The following OR8G5 variants were observed in gnomAD, a reference collection of about 807,000 sequenced individuals.
OR8G5 encodes olfactory receptor family 8 subfamily G member 5, also known as olfactory receptor 8G5.
For missense variants in OR8G5, 347 were observed against 371.9 expected (o/e 0.93, Z 0.55); for synonymous variants, 147 against 147.7 (o/e 1.00, Z 0.03).
rs1565320357 is a variant in OR8G5, at chr11:124,265,086, G to C, written c.155G>C (p.Ser52Thr). The change falls in exon 2 of 2, where the codon AGT (serine) becomes ACT (threonine). Residue 52 changes from serine (S) to threonine (T), a missense_variant. Ser to Thr is a moderately conservative substitution (Grantham distance 58, BLOSUM62 1). Transcript: ENST00000641992. ...GGCATGATCACACTGATTGGGCTCA[G>C]TTCTCACCTGCACACACCTATGTAC... is the stretch of plus-strand genomic sequence containing the variant. Reference protein sequence around the residue: ...NLGMITLIGLSSHLHTPMYCF... With the variant: ...NLGMITLIGLTSHLHTPMYCF... The C allele has an allele frequency of 6.2e-7, 1 of 1,614,154 alleles. No homozygotes were observed. The highest frequency in any genetic ancestry group is 8.5e-7 in the Non-Finnish European group (1 of 1,180,028).
intron 1 of OR8G5, among the ~76,000 whole-genome samples, chr11:124,262,940 A>G (rs575594094): frequency 1.3e-5 from 2 of 152,300 alleles, no homozygotes; most frequent in South Asian, 2.1e-4. Flanking sequence ...ACTCCCTGCC[A>G]GCTTTGTATG....
chr11:124,259,298 T>A lies in OR8G5; in HGVS notation c.-15+2664T>A, dbSNP rs186529908. ...ATATTTACACATGAGTTGAAAAAAA[T>A]TTGAAATTTGACAAAGATTTGAAAA... On this transcript the variant is annotated intron_variant, in intron 1 of 1. Coordinates refer to ENST00000641992, the MANE Select transcript of OR8G5 (RefSeq NM_001005198.2). Among the ~76,000 whole-genome samples the A allele has an allele frequency of 5.5e-3, 837 of 152,250 alleles. 4 individuals carry two copies. The highest frequency in any genetic ancestry group is 7.6e-3 in the African/African-American group (318 of 41,572).
chr11:124,265,525 G>A lies in OR8G5; in HGVS notation c.594G>A (p.Leu198=). The A allele has an allele frequency of 6.2e-7, 1 of 1,613,892 alleles. No homozygotes were observed. The highest frequency in any genetic ancestry group is 1.1e-5 in the South Asian group (1 of 91,074). Residue 198 remains leucine (L), a synonymous_variant, in exon 2 of 2, where the codon CTG becomes CTA. Coordinates refer to ENST00000641992, the MANE Select transcript of OR8G5 (RefSeq NM_001005198.2). ...CTAGTACTTACATTAATGAGTTACT[G>A]ATTTTAATCTTTAGTGGAATTAACA... is the stretch of plus-strand genomic sequence containing the variant. ...SCSSTYINEL[L]ILIFSGINIL...
Position 124,265,744 on chromosome 11 carries a change from G to A in OR8G5, c.813G>A (p.Gly271=), listed in dbSNP as rs376808332. The A allele has an allele frequency of 6.2e-7, 1 of 1,614,156 alleles. No individual in the cohort carries two copies. The highest frequency in any genetic ancestry group is 2.2e-5 in the East Asian group (1 of 44,878). The change falls in exon 2 of 2, where the codon GGG becomes GGA. Residue 271 remains glycine (G), a synonymous_variant. Transcript: ENST00000641992. Reference sequence around the variant, plus strand: ...CATCTGTCAGCTCCATGGACCAGGGGAAAGTGTCCTCTGTGTTTTATACTA... The same window carrying A: ...CATCTGTCAGCTCCATGGACCAGGGAAAAGTGTCCTCTGTGTTTTATACTA... The part of the protein sequence containing the change: ...QPSSVSSMDQ[G]KVSSVFYTIV...
intron 1 of OR8G5, among the ~76,000 whole-genome samples, chr11:124,263,721 A>C (rs2137760702): frequency 8.8e-6 from 1 of 113,238 alleles, no homozygotes; most frequent in Non-Finnish European, 2.1e-5. Flanking sequence ...TTTTTCCAGA[A>C]GTTTTATAGT....
At chr11:124,261,028 T>C (rs1300214349) in intron 1 of OR8G5, among the ~76,000 whole-genome samples, 1 of 151,556 alleles carries the variant, frequency 6.6e-6, no homozygotes, top group Non-Finnish European at 1.5e-5. Context: ...TCTATCTCCA[T>C]GAGATCAGCT....
At chr11:124,263,000 G>C (rs1301449481) in intron 1 of OR8G5, among the ~76,000 whole-genome samples, 1 of 151,932 alleles carries the variant, frequency 6.6e-6, no homozygotes, top group Non-Finnish European at 1.5e-5. Context: ...TTTTTGTTTT[G>C]TTTTGTTTTT....
chr11:124,265,070 A>T lies in OR8G5; in HGVS notation c.139A>T (p.Thr47Ser), dbSNP rs766872300. 34 of 1,614,008 alleles carry T rather than the reference A, an allele frequency of 2.1e-5. No individual in the cohort carries two copies. Among genetic ancestry groups the T allele is most frequent in the Non-Finnish European group, 2.8e-5 (33 of 1,180,036 alleles). Residue 47 changes from threonine (T) to serine (S), a missense_variant, in exon 2 of 2, where the codon ACA (threonine) becomes TCA (serine). Physicochemically the swap from Thr to Ser is moderately conservative, Grantham distance 58. Transcript: ENST00000641992. ...VTVLGNLGMI[T>S]LIGLSSHLHT... ...AGTGCTGGGGAACCTGGGCATGATC[A>T]CACTGATTGGGCTCAGTTCTCACCT... is the stretch of plus-strand genomic sequence containing the variant.
At chr11:124,260,423 TG>T (rs1861958443) in intron 1 of OR8G5, among the ~76,000 whole-genome samples, 1 of 151,920 alleles carries the variant, frequency 6.6e-6, no homozygotes, top group East Asian at 1.9e-4. Context: ...GCTTAATACC[TG>T]GGTGAGTAAA....
intron 1 of OR8G5, among the ~76,000 whole-genome samples, 167 bp downstream of exon 1, chr11:124,256,801 A>T (rs1861917915): frequency 6.6e-6 from 1 of 152,218 alleles, no homozygotes; most frequent in South Asian, 2.1e-4. Flanking sequence ...ATATGGGCTA[A>T]TACTGGGAAT....
chr11:124,265,112 T>A lies in OR8G5; in HGVS notation c.181T>A (p.Cys61Ser). The A allele has an allele frequency of 1.9e-6, 3 of 1,614,176 alleles. No homozygotes were observed. The highest frequency in any genetic ancestry group is 2.5e-6 in the Non-Finnish European group (3 of 1,180,030). ...LSSHLHTPMY[C>S]FLSSLSFIDF... ...TTCTCACCTGCACACACCTATGTAC[T>A]GTTTCCTCAGCAGTCTGTCCTTCAT... Residue 61 changes from cysteine (C) to serine (S), a missense_variant, in exon 2 of 2, where the codon TGT becomes AGT. Cys to Ser is a moderately radical substitution (Grantham distance 112). Transcript: ENST00000641992.
chr11:124,260,812 A>T (rs1030468321), intron 1 of OR8G5, among the ~76,000 whole-genome samples: 11 of 151,952 alleles, frequency 7.2e-5, no homozygotes, highest in Non-Finnish European at 1.6e-4. Flanking sequence ...AACATTTATC[A>T]TTTGTTTGTG....
intron 1 of OR8G5, among the ~76,000 whole-genome samples, chr11:124,260,093 T>C (rs1212918719): frequency 1.3e-5 from 2 of 152,062 alleles, no homozygotes; most frequent in African/African-American, 4.8e-5. Context: ...TGAGATGATA[T>C]TTTCCATAAA....
Position 124,265,107 on chromosome 11 carries a change from T to C in OR8G5, c.176T>C (p.Met59Thr), listed in dbSNP as rs976472986. Residue 59 changes from methionine (M) to threonine (T), a missense_variant, in exon 2 of 2, where the codon ATG becomes ACG. Coordinates refer to ENST00000641992, the MANE Select transcript of OR8G5 (RefSeq NM_001005198.2). ...IGLSSHLHTP[M>T]YCFLSSLSFI... Reference sequence around the variant, plus strand: ...CTCAGTTCTCACCTGCACACACCTATGTACTGTTTCCTCAGCAGTCTGTCC... The same window carrying C: ...CTCAGTTCTCACCTGCACACACCTACGTACTGTTTCCTCAGCAGTCTGTCC... 6.2e-7 allele frequency: 1 copy of C among 1,614,174 alleles called. No homozygotes were observed. The highest frequency in any genetic ancestry group is 8.5e-7 in the Non-Finnish European group (1 of 1,180,022).
chr11:124,260,479 C>T (rs1861959122), intron 1 of OR8G5, among the ~76,000 whole-genome samples: 1 of 151,770 alleles, frequency 6.6e-6, no homozygotes, highest in African/African-American at 2.4e-5. Flanking sequence ...ACCTATATGA[C>T]AAACCTAAAC....
intron 1 of OR8G5, among the ~76,000 whole-genome samples, chr11:124,256,913 G>T (rs543965857): frequency 4.6e-5 from 7 of 152,284 alleles, no homozygotes; most frequent in African/African-American, 1.7e-4. Flanking sequence ...CAGTAGAAAG[G>T]TCCAATCAAT....
At chr11:124,260,628 T>C (rs1391200184) in intron 1 of OR8G5, among the ~76,000 whole-genome samples, 1 of 151,840 alleles carries the variant, frequency 6.6e-6, no homozygotes, top group Non-Finnish European at 1.5e-5. Context: ...CTTAATATCT[T>C]TATAATAGTG....
intron 1 of OR8G5, among the ~76,000 whole-genome samples, chr11:124,264,588 C>T (rs1367327520): frequency 6.6e-6 from 1 of 152,178 alleles, no homozygotes; most frequent in Non-Finnish European, 1.5e-5. Flanking sequence ...AGTTGTCACT[C>T]AGCCATTTTT....
chr11:124,265,748 G>A lies in OR8G5; in HGVS notation c.817G>A (p.Val273Met). 1 of 1,614,180 alleles carries A rather than the reference G, an allele frequency of 6.2e-7. No individual in the cohort carries two copies. Among genetic ancestry groups the A allele is most frequent in the Admixed American group, 1.7e-5 (1 of 60,022 alleles). ...SSVSSMDQGK[V>M]SSVFYTIVVP... ...TGTCAGCTCCATGGACCAGGGGAAA[G>A]TGTCCTCTGTGTTTTATACTATTGT... The change falls in exon 2 of 2, where the codon GTG becomes ATG. Residue 273 changes from valine (V) to methionine (M), a missense_variant. Physicochemically the swap from Val to Met is conservative, Grantham distance 21 (BLOSUM62 1). Coordinates refer to ENST00000641992, the MANE Select transcript of OR8G5 (RefSeq NM_001005198.2).
Sources: allele counts gnomAD v4.1 joint callset (sites outside exome capture counted in the v4.1 genomes callset), GRCh38; gene constraint gnomAD v4.1.1; transcripts MANE v1.5; gene names NCBI Gene and HGNC (gene_info 2026-07-23, HGNC 2026-07-21).